The following KIR3DL1 variants were observed in gnomAD, a reference collection of about 807,000 sequenced individuals.
The protein encoded by KIR3DL1 is killer cell immunoglobulin like receptor, three Ig domains and long cytoplasmic tail 1, also known as killer cell immunoglobulin-like receptor 3DL1.
In KIR3DL1, 50 loss-of-function variants were observed where a neutral mutation model predicts 40.3. The observed-to-expected ratio is 1.24, with a 90% CI of 0.99 to 1.57. KIR3DL1 has a LOEUF of 1.57. Ranked by LOEUF, KIR3DL1 falls within the 40% of genes most tolerant of loss-of-function variation. The pLI is 0.00. For missense variants in KIR3DL1, 661 were observed against 559.9 expected, an observed-to-expected ratio of 1.18 and a Z score of -1.82; for synonymous variants, 257 against 207.2, an observed-to-expected ratio of 1.24 and a Z score of -2.07.
intron 6 of KIR3DL1, among the ~76,000 whole-genome samples, chr19:54,827,824 C>G (rs2061983404): frequency 6.6e-6 from 1 of 150,502 alleles, no homozygotes; most frequent in Non-Finnish European, 1.5e-5. Context: ...GCTGAATCCT[C>G]CAGCACAAAT....
At position 54,823,937 on chromosome 19, in the gene KIR3DL1, G is replaced by A. The variant is rs200703215; in HGVS notation, c.950-1091G>A. On this transcript the variant is annotated intron_variant, in intron 5 of 8. Transcript: ENST00000391728. ...AAATGTCTCCTCATGTCTTTTGCTC[G>A]TTTTTTAATTAAATTGTTTTATTGA... Among the ~76,000 whole-genome samples the A allele has an allele frequency of 7.3e-5, 11 of 150,744 alleles. No individual in the cohort carries two copies. The East Asian group carries it at 1.2e-3, about 16-fold the overall frequency.
intron 6 of KIR3DL1, among the ~76,000 whole-genome samples, chr19:54,828,360 C>A (rs1185730958): frequency 2.0e-5 from 3 of 151,472 alleles, no homozygotes; most frequent in East Asian, 1.9e-4. Context: ...CTCTAAACAC[C>A]TCCTGGACTG....
chr19:54,829,525 G>A, intron 7 of KIR3DL1, 60 bp downstream of exon 7: 13 of 1,278,940 alleles, frequency 1.0e-5, no homozygotes, highest in Admixed American at 1.9e-5. Flanking sequence ...CAGGATGGGA[G>A]CACACAGCTG....
chr19:54,817,437 G>T, intron 1 of KIR3DL1, 97 bp from the exon 2 acceptor site: 1 of 1,070,456 alleles, frequency 9.3e-7, no homozygotes, highest in Non-Finnish European at 1.4e-6. Context: ...CTTCAGCCCA[G>T]CAAGGGCCTG....
rs1326117600 is a variant in KIR3DL1, at chr19:54,817,558, G to T, written c.59G>T (p.Gly20Val). 3.3e-6 allele frequency: 5 copies of T among 1,512,820 alleles called. 1 individual carries two copies. Among genetic ancestry groups the T allele is most frequent in the East Asian group, 4.9e-5 (2 of 40,886 alleles). 93.7% of individuals were successfully genotyped at this position (1,512,820 alleles called of 1,614,324 possible). ...GGGTTGTTCTTGGTCCAGAGGGCCGGTCCACACATGGGTGAGTCCTTCCCC... is the reference window on the plus strand; with the variant it reads ...GGGTTGTTCTTGGTCCAGAGGGCCGTTCCACACATGGGTGAGTCCTTCCCC... The change falls in exon 2 of 9, where the codon GGT becomes GTT. Residue 20 changes from glycine to valine, a missense_variant. By Grantham distance (109) the Gly-to-Val change is moderately radical. This residue lies in a region of KIR3DL1 where 548 missense variants were observed against 413.3 expected (regional missense o/e 1.33). Coordinates refer to ENST00000391728, the Ensembl canonical transcript of KIR3DL1.
intron 4 of KIR3DL1, among the ~76,000 whole-genome samples, chr19:54,821,119 T>C (rs1385737426): frequency 6.7e-6 from 1 of 149,546 alleles, no homozygotes; most frequent in Non-Finnish European, 1.5e-5. Context: ...ATATAGATAA[T>C]AGATGATTGA....
intron 6 of KIR3DL1, among the ~76,000 whole-genome samples, chr19:54,826,318 G>A (rs1263128404): frequency 2.1e-5 from 3 of 140,984 alleles, no homozygotes; most frequent in Non-Finnish European, 3.1e-5. Context: ...TTGTTTGTTC[G>A]TTCATTTATT....
chr19:54,821,943 G>T, intron 5 of KIR3DL1, 85 bp downstream of exon 5: 1 of 1,462,154 alleles, frequency 6.8e-7, no homozygotes, highest in Non-Finnish European at 9.4e-7. Flanking sequence ...AGAAAAGCAT[G>T]GACAGATGCA....
intron 6 of KIR3DL1, 102 bp from the exon 7 acceptor site, chr19:54,829,259 A>G: frequency 9.9e-7 from 1 of 1,015,062 alleles, no homozygotes; most frequent in South Asian, 1.5e-5. Context: ...CTTGTCCGAA[A>G]GAGATGCTGT....
chr19:54,819,197 T>G (rs1039790063), intron 3 of KIR3DL1, among the ~76,000 whole-genome samples: 3 of 148,020 alleles, frequency 2.0e-5, no homozygotes, highest in African/African-American at 4.9e-5. Flanking sequence ...CCCGCTGCCA[T>G]GTTTGTGGTA....
At chr19:54,818,204 C>T in intron 2 of KIR3DL1, 111 bp from the exon 3 acceptor site, 1 of 1,200,660 alleles carries the variant, frequency 8.3e-7, no homozygotes, top group Non-Finnish European at 1.2e-6. Flanking sequence ...CCTGGGCACC[C>T]AGGTGTGGTA....
chr19:54,827,900 C>T (rs1601423466), intron 6 of KIR3DL1, among the ~76,000 whole-genome samples: 1 of 150,186 alleles, frequency 6.7e-6, no homozygotes, highest in East Asian at 1.9e-4. Context: ...AATCCCCCAT[C>T]TCACCCCTAC....
At chr19:54,825,759 AGG>A (rs2061852580) in intron 6 of KIR3DL1, among the ~76,000 whole-genome samples, 1 of 140,878 alleles carries the variant, frequency 7.1e-6, no homozygotes, top group Non-Finnish European at 1.6e-5. Context: ...CTTCCCTCTG[AGG>A]ATTCCAGGCA....
Position 54,820,030 on chromosome 19 carries a change from T to C in KIR3DL1, c.655+18T>C. On this transcript the variant is annotated intron_variant, in intron 4 of 8. Transcript: ENST00000391728. The stretch of plus-strand genomic sequence containing the variant: ...GGTCACAGGTGAGAGTGTCTAGACA[T>C]TGTTCTCATTGTCACTGGGACACAG... 6.2e-7 allele frequency: 1 copy of C among 1,603,434 alleles called. No individual in the cohort carries two copies. Among genetic ancestry groups the C allele is most frequent in the Non-Finnish European group, 8.5e-7 (1 of 1,173,874 alleles).
chr19:54,816,692 G>T (rs1440758306), intron 1 of KIR3DL1, among the ~76,000 whole-genome samples, 158 bp downstream of exon 1: 4 of 141,996 alleles, frequency 2.8e-5, no homozygotes, highest in African/African-American at 1.1e-4. Context: ...GGCCTGGAGT[G>T]GAGATAGGGG....
At chr19:54,822,366 T>C (rs1194783895) in intron 5 of KIR3DL1, among the ~76,000 whole-genome samples, 1 of 151,346 alleles carries the variant, frequency 6.6e-6, no homozygotes, top group Admixed American at 6.6e-5. Flanking sequence ...GGTTCACGGT[T>C]GTAATCTCGG....
At chr19:54,819,875 A>C (rs762734480) in exon 4 of KIR3DL1, 2 of 1,612,220 alleles carry the variant, frequency 1.2e-6, no homozygotes, top group South Asian at 2.2e-5. Flanking sequence ...CAGATCCATG[A>C]TGGGGTCTCC....
chr19:54,824,220 G>T (rs1421620258), intron 5 of KIR3DL1, among the ~76,000 whole-genome samples: 3 of 151,526 alleles, frequency 2.0e-5, no homozygotes, highest in African/African-American at 4.9e-5. Flanking sequence ...ATAGGTTCAG[G>T]CCTTAGACTC....
chr19:54,819,103 G>T (rs1312977122), intron 3 of KIR3DL1, among the ~76,000 whole-genome samples: 4 of 151,348 alleles, frequency 2.6e-5, no homozygotes, highest in Non-Finnish European at 4.4e-5. Context: ...AGGGAACGCA[G>T]CCCTGTAGAC....
Sources: allele counts gnomAD v4.1 joint callset (sites outside exome capture counted in the v4.1 genomes callset), GRCh38; gene constraint gnomAD v4.1.1; regional missense constraint gnomAD v4.1.1; transcripts MANE v1.5; gene names NCBI Gene and HGNC (gene_info 2026-07-23, HGNC 2026-07-21).